Variants in ATP8B4 observed in about 807,000 individuals in gnomAD.
The protein encoded by ATP8B4 is probable phospholipid-transporting ATPase IM.
Under a neutral mutation model 145.6 loss-of-function variants are expected in ATP8B4, and 133 were observed. The ratio of observed to expected loss-of-function variants is 0.91; its 90% CI spans 0.79 to 1.05. The LOEUF is 1.05. Ranked by LOEUF, ATP8B4 falls within the 50% of genes least tolerant of loss-of-function variation. The pLI is 0.00. For synonymous variants in ATP8B4, 507 were observed against 492.9 expected (o/e 1.03, Z -0.38); for missense variants, 1,458 against 1,425.2 (o/e 1.02, Z -0.37).
chr15:50,178,672 A>G (rs2044799946), intron 1 of ATP8B4, among the ~76,000 whole-genome samples: 1 of 152,036 alleles, frequency 6.6e-6, no homozygotes, highest in African/African-American at 2.4e-5. Context: ...TAATTTCTGT[A>G]CTTTTTATGT....
intron 10 of ATP8B4, among the ~76,000 whole-genome samples, chr15:49,984,769 G>A (rs567401465): frequency 9.6e-4 from 146 of 152,160 alleles, no homozygotes; most frequent in African/African-American, 3.5e-3. Context: ...AGGGCAGAAA[G>A]AATGGTAGAA....
At chr15:50,047,556 G>A (rs2051819106) in intron 3 of ATP8B4, 92 bp from the exon 4 acceptor site, 2 of 804,904 alleles carry the variant, frequency 2.5e-6, no homozygotes, top group East Asian at 2.6e-5. Flanking sequence ...GCCAGAGTAA[G>A]AAAGATAAGC....
chr15:50,066,781 C>CT (rs570793790), intron 3 of ATP8B4, among the ~76,000 whole-genome samples: 29 of 152,090 alleles, frequency 1.9e-4, no homozygotes, highest in South Asian at 4.2e-4. Context: ...CCCCCTCTTT[C>CT]TTTTTTTTAC....
rs115307562 is a variant in ATP8B4 at position 50,149,254 on chromosome 15, G to C, written c.-43+33007C>G. Among the ~76,000 whole-genome samples the C allele has an allele frequency of 6.8e-3, 1,034 of 152,298 alleles. 7 individuals are homozygous for C. The highest frequency in any genetic ancestry group is 0.024 in the African/African-American group (1,000 of 41,570). ...CAGTATGTCCCTGTATATTATCTGA[G>C]TCATGTCATAAGCATAAAACACAGA... On this transcript the variant is annotated intron_variant, in intron 1 of 3. Transcript: ENST00000558829.
intron 25 of ATP8B4, among the ~76,000 whole-genome samples, chr15:49,867,850 CA>C (rs1230602426): frequency 6.6e-6 from 1 of 152,130 alleles, no homozygotes; most frequent in Non-Finnish European, 1.5e-5. Flanking sequence ...AATTCAACAG[CA>C]AAACCAAAGA....
intron 5 of ATP8B4, among the ~76,000 whole-genome samples, chr15:50,041,932 T>G (rs1395631088): frequency 6.6e-6 from 1 of 151,602 alleles, no homozygotes. Context: ...AGAGCAAAAC[T>G]CCGTCTCAAA....
chr15:50,113,838 CAAAAAAAAAAA>C (rs67648465), intron 1 of ATP8B4, among the ~76,000 whole-genome samples: 1 of 67,274 alleles, frequency 1.5e-5, no homozygotes, highest in Non-Finnish European at 2.6e-5. Context: ...AACTCCATCT[CAAAAAAAAAAA>C]AAAAAAAAAA....
At chr15:49,883,711 A>G (rs770410278) in intron 23 of ATP8B4, among the ~76,000 whole-genome samples, 1 of 152,130 alleles carries the variant, frequency 6.6e-6, no homozygotes, top group Non-Finnish European at 1.5e-5. Context: ...CTTATTTCAC[A>G]TTGCATGCCT....
At chr15:49,921,196 A>G (rs924619947) in intron 17 of ATP8B4, among the ~76,000 whole-genome samples, 1 of 152,192 alleles carries the variant, frequency 6.6e-6, no homozygotes, top group Non-Finnish European at 1.5e-5. Flanking sequence ...TCCTCCGTGA[A>G]ACTTTTTATT....
intron 3 of ATP8B4, among the ~76,000 whole-genome samples, chr15:50,048,102 G>C (rs1212894073): frequency 4.6e-5 from 7 of 152,050 alleles, no homozygotes; most frequent in Admixed American, 2.0e-4. Context: ...ACATGTCACT[G>C]AGGTTTGGTG....
chr15:50,171,554 G>C (rs1199147435), intron 1 of ATP8B4, among the ~76,000 whole-genome samples: 1 of 152,122 alleles, frequency 6.6e-6, no homozygotes, highest in Non-Finnish European at 1.5e-5. Context: ...TTCAGCAAAG[G>C]CGGTGCTAAG....
intron 10 of ATP8B4, among the ~76,000 whole-genome samples, chr15:49,986,935 G>A (rs1182313290): frequency 7.8e-6 from 1 of 128,294 alleles, no homozygotes; most frequent in Non-Finnish European, 1.6e-5. Flanking sequence ...AAAAAGCTAT[G>A]GAGTATAAAC....
intron 23 of ATP8B4, chr15:49,880,116 G>A (rs994785029): frequency 2.6e-5 from 4 of 152,066 alleles, no homozygotes; most frequent in East Asian, 1.9e-4. Context: ...AGAACCTTTC[G>A]GTTACAGAGC....
rs561515182 is a variant in ATP8B4, at chr15:50,159,736, C to T, written c.-43+22525G>A. The stretch of plus-strand genomic sequence containing the variant: ...TTCACCATCAACTGAAAAAATTATA[C>T]GGCTTTTGTTCTTCATTCTATTGAT... On this transcript the variant is annotated intron_variant, in intron 1 of 3. Coordinates refer to the ATP8B4 transcript ENST00000558829. Among the ~76,000 whole-genome samples, 117 of 152,206 alleles carry T rather than the reference C, an allele frequency of 7.7e-4. 1 individual carries two copies. The highest frequency in any genetic ancestry group is 2.4e-3 in the African/African-American group (101 of 41,540).
chr15:50,025,766 G>T (rs926480287), intron 6 of ATP8B4, among the ~76,000 whole-genome samples: 2 of 152,184 alleles, frequency 1.3e-5, no homozygotes, highest in African/African-American at 4.8e-5. Flanking sequence ...CTCTGTGATT[G>T]CAGAGAACAT....
chr15:50,081,242 T>G (rs1252549309), intron 2 of ATP8B4, among the ~76,000 whole-genome samples: 5 of 152,168 alleles, frequency 3.3e-5, no homozygotes, highest in African/African-American at 1.2e-4. Context: ...TTACTTATGG[T>G]TTCTCAGTAA....
chr15:50,113,924 A>G (rs1302562167), intron 1 of ATP8B4, among the ~76,000 whole-genome samples: 1 of 150,484 alleles, frequency 6.6e-6, no homozygotes, highest in East Asian at 1.9e-4. Context: ...CCTCAACAAT[A>G]AATTATTGTT....
At chr15:50,070,310 A>G (rs2053643099) in intron 3 of ATP8B4, among the ~76,000 whole-genome samples, 1 of 152,220 alleles carries the variant, frequency 6.6e-6, no homozygotes, top group Non-Finnish European at 1.5e-5. Flanking sequence ...GGGGTTAAAA[A>G]AAAAAAGCTT....
intron 14 of ATP8B4, among the ~76,000 whole-genome samples, chr15:49,935,488 AGT>A (rs2041657880): frequency 6.6e-6 from 1 of 152,150 alleles, no homozygotes; most frequent in Non-Finnish European, 1.5e-5. Context: ...CCATATATCA[AGT>A]GTTTACAGTA....
Sources: allele counts gnomAD v4.1 joint callset (sites outside exome capture counted in the v4.1 genomes callset), GRCh38; gene constraint gnomAD v4.1.1; transcripts MANE v1.5; gene names NCBI Gene and HGNC (gene_info 2026-07-23, HGNC 2026-07-21).